The following DRC11 variants were observed in gnomAD, a reference collection of about 807,000 sequenced individuals.
The protein encoded by DRC11 is IQ and AAA domain-containing protein 1.
At chr2:236,440,908 C>G in the DRC11 span, 1 of 621,394 alleles carries the variant, frequency 1.6e-6, no homozygotes, top group African/African-American at 1.9e-5. Context: ...TGATGAACAC[C>G]CAAAAGTATT....
the DRC11 span, chr2:236,324,912 TGC>T: frequency 1.6e-6 from 1 of 637,168 alleles, no homozygotes; most frequent in Non-Finnish European, 2.8e-6. This position sits in a 1 kb window ranked among gnomAD's most constrained non-coding sequence, Gnocchi z 5.7. Context: ...ATTTAAGGTA[TGC>T]TTGACACAAG....
chr2:236,447,893 G>A, the DRC11 span, among the ~76,000 whole-genome samples: 1 of 152,016 alleles, frequency 6.6e-6, no homozygotes, highest in African/African-American at 2.4e-5. This position sits in a 1 kb window ranked among gnomAD's most constrained non-coding sequence, Gnocchi z 4.6. Flanking sequence ...GGGGAGGGTG[G>A]GGGAGGGTGG....
the DRC11 span, among the ~76,000 whole-genome samples, chr2:236,340,785 A>G: frequency 6.6e-6 from 1 of 152,190 alleles, no homozygotes; most frequent in African/African-American, 2.4e-5. Flanking sequence ...GGACATTTGA[A>G]ATGAATCAGC....
chr2:236,482,077 T>A, the DRC11 span, among the ~76,000 whole-genome samples: 1 of 149,746 alleles, frequency 6.7e-6, no homozygotes, highest in African/African-American at 2.4e-5. The surrounding 1 kb of genome is among the most constrained non-coding windows in gnomAD (Gnocchi z 4.5). Context: ...TTCTACATAT[T>A]ATATGTATAA....
At chr2:236,470,563 G>A in the DRC11 span, among the ~76,000 whole-genome samples, 5 of 152,210 alleles carry the variant, frequency 3.3e-5, no homozygotes, top group South Asian at 2.1e-4. The surrounding 1 kb of genome is among the most constrained non-coding windows in gnomAD (Gnocchi z 5.1). Context: ...CTCCTCAGTC[G>A]GTTCATTTCA....
the DRC11 span, chr2:236,488,240 T>C: frequency 1.5e-6 from 2 of 1,358,776 alleles, no homozygotes; most frequent in Middle Eastern, 1.9e-4. Context: ...GTTAACCACA[T>C]CAATTGATCC....
the DRC11 span, among the ~76,000 whole-genome samples, chr2:236,344,184 C>A: frequency 1.3e-5 from 2 of 152,162 alleles, no homozygotes; most frequent in Non-Finnish European, 2.9e-5. Flanking sequence ...GGTCTTTGTT[C>A]ATCAATTGTG....
the DRC11 span, among the ~76,000 whole-genome samples, chr2:236,457,117 T>C: frequency 2.0e-5 from 3 of 152,204 alleles, no homozygotes; most frequent in Non-Finnish European, 4.4e-5. The surrounding 1 kb of genome is among the most constrained non-coding windows in gnomAD (Gnocchi z 4.7). Flanking sequence ...TCCTGAGACC[T>C]AGACGGCAGT....
chr2:236,419,619 A>G, the DRC11 span, among the ~76,000 whole-genome samples: 4,130 of 152,282 alleles, frequency 0.027, 182 homozygotes, highest in African/African-American at 0.095. The surrounding 1 kb of genome is among the most constrained non-coding windows in gnomAD (Gnocchi z 4.8). Context: ...TGGATGTGCC[A>G]GCCCTGCCCA....
At chr2:236,457,653 A>G in the DRC11 span, among the ~76,000 whole-genome samples, 1 of 152,202 alleles carries the variant, frequency 6.6e-6, no homozygotes, top group Non-Finnish European at 1.5e-5. The surrounding 1 kb of genome is among the most constrained non-coding windows in gnomAD (Gnocchi z 4.7). Flanking sequence ...TATGTCCTAA[A>G]TGCAGTCCTA....
the DRC11 span, among the ~76,000 whole-genome samples, chr2:236,308,320 A>T: frequency 6.6e-6 from 1 of 151,372 alleles, no homozygotes; most frequent in Non-Finnish European, 1.5e-5. The surrounding 1 kb of genome is among the most constrained non-coding windows in gnomAD (Gnocchi z 6.0). Context: ...CATCCAGGAG[A>T]CCCCCCTTGG....
chr2:236,325,404 GTTA>G, the DRC11 span, among the ~76,000 whole-genome samples: 2 of 152,070 alleles, frequency 1.3e-5, no homozygotes, highest in Non-Finnish European at 2.9e-5. This position sits in a 1 kb window ranked among gnomAD's most constrained non-coding sequence, Gnocchi z 4.4. Context: ...TGAATTTTTG[GTTA>G]TTATGAAGAA....
At chr2:236,459,583 ATATACG>A in the DRC11 span, among the ~76,000 whole-genome samples, 1 of 145,110 alleles carries the variant, frequency 6.9e-6, no homozygotes, top group African/African-American at 2.5e-5. Context: ...ATACATACGT[ATATACG>A]TATACGTATA....
the DRC11 span, among the ~76,000 whole-genome samples, chr2:236,503,121 T>C: frequency 2.0e-5 from 3 of 152,212 alleles, no homozygotes; most frequent in African/African-American, 7.2e-5. The surrounding 1 kb of genome is among the most constrained non-coding windows in gnomAD (Gnocchi z 4.9). Flanking sequence ...AGGCATCTTA[T>C]ACTTCCAACA....
the DRC11 span, among the ~76,000 whole-genome samples, chr2:236,333,963 C>T: frequency 2.3e-3 from 356 of 152,256 alleles, 2 homozygotes; most frequent in African/African-American, 8.1e-3. The surrounding 1 kb of genome is among the most constrained non-coding windows in gnomAD (Gnocchi z 6.0). Flanking sequence ...CCCGCTGCTG[C>T]CCATTTAAAG....
chr2:236,357,963 T>C, the DRC11 span, among the ~76,000 whole-genome samples: 1 of 106,048 alleles, frequency 9.4e-6, no homozygotes, highest in African/African-American at 3.9e-5. Context: ...ATATATATAA[T>C]ATATGAATAT....
chr2:236,502,249 A>G, the DRC11 span, among the ~76,000 whole-genome samples: 1 of 152,194 alleles, frequency 6.6e-6, no homozygotes, highest in Non-Finnish European at 1.5e-5. Context: ...GCATGACTGC[A>G]AAATCCAAGG....
At chr2:236,331,298 G>C in the DRC11 span, 3 of 1,193,284 alleles carry the variant, frequency 2.5e-6, no homozygotes, top group Non-Finnish European at 3.8e-6. This position sits in a 1 kb window ranked among gnomAD's most constrained non-coding sequence, Gnocchi z 4.8. Context: ...GAACTGCAGA[G>C]GGAGGAGGCA....
At chr2:236,495,361 G>A in the DRC11 span, among the ~76,000 whole-genome samples, 1 of 152,138 alleles carries the variant, frequency 6.6e-6, no homozygotes, top group Non-Finnish European at 1.5e-5. The surrounding 1 kb of genome is among the most constrained non-coding windows in gnomAD (Gnocchi z 5.6). Context: ...ATTATAGTTA[G>A]GATTTTGAGG....
Sources: gnomAD v4.1 joint callset for allele counts (sites outside exome capture counted in the v4.1 genomes callset) on GRCh38, gnomAD v4.1.1 for gene constraint, Gnocchi (gnomAD v3.1) non-coding constraint, MANE v1.5 for transcripts, NCBI Gene and HGNC (gene_info 2026-07-23, HGNC 2026-07-21) for gene names.